Variants in APPBP2 observed in about 807,000 individuals in gnomAD.
APPBP2 encodes amyloid protein-binding protein 2.
A neutral mutation model predicts 76.0 loss-of-function variants in APPBP2; 15 were observed. That is an observed-to-expected ratio of 0.20 (90% CI 0.13 to 0.30). APPBP2 has a LOEUF of 0.30. Ranked by LOEUF, APPBP2 falls within the 10% of genes least tolerant of loss-of-function variation. The probability of loss-of-function intolerance (pLI) is 1.00; values close to 1 mark genes in which losing one functional copy is unlikely to be tolerated. For missense variants in APPBP2, 401 were observed against 687.2 expected, an observed-to-expected ratio of 0.58 and a Z score of 4.66; for synonymous variants, 222 against 242.2, an observed-to-expected ratio of 0.92 and a Z score of 0.77.
intron 3 of APPBP2, among the ~76,000 whole-genome samples, chr17:60,491,943 G>T (rs557238701): frequency 1.5e-4 from 23 of 152,030 alleles, no homozygotes; most frequent in Middle Eastern, 6.8e-3. Flanking sequence ...AGAACTTTGT[G>T]GCAGCCCCTC....
intron 6 of APPBP2, 61 bp from the exon 7 acceptor site, chr17:60,462,122 G>T: frequency 1.6e-6 from 2 of 1,274,210 alleles, no homozygotes; most frequent in Non-Finnish European, 2.3e-6. Context: ...TAAAATACGT[G>T]TAGTTTATAT....
At chr17:60,509,311 G>A (rs1408795460) in intron 1 of APPBP2, among the ~76,000 whole-genome samples, 3 of 152,052 alleles carry the variant, frequency 2.0e-5, no homozygotes, top group Non-Finnish European at 2.9e-5. Flanking sequence ...CCTGGGAGGC[G>A]GAGGTTGTAG....
intron 1 of APPBP2, among the ~76,000 whole-genome samples, chr17:60,525,219 C>CA (rs1252730892): frequency 5.3e-5 from 8 of 152,076 alleles, no homozygotes; most frequent in South Asian, 2.1e-4. Context: ...TCCTCTCCCA[C>CA]AAAAAAATCA....
At chr17:60,513,997 T>TAAAAA (rs35785295) in intron 1 of APPBP2, among the ~76,000 whole-genome samples, 5 of 108,546 alleles carry the variant, frequency 4.6e-5, no homozygotes, top group Non-Finnish European at 5.7e-5. Flanking sequence ...TTCCCCACAT[T>TAAAAA]AAAAAAAAAA....
chr17:60,491,169 AT>A (rs1425194536), intron 3 of APPBP2, among the ~76,000 whole-genome samples: 1 of 152,152 alleles, frequency 6.6e-6, no homozygotes, highest in African/African-American at 2.4e-5. Context: ...GCTGATAATG[AT>A]ATGGACAGTG....
At chr17:60,459,458 T>G (rs2090459020) in intron 9 of APPBP2, 1 of 151,528 alleles carries the variant, frequency 6.6e-6, no homozygotes, top group Non-Finnish European at 1.5e-5. Flanking sequence ...TAGATAGATG[T>G]CCACCTGTCC....
intron 1 of APPBP2, among the ~76,000 whole-genome samples, chr17:60,524,244 T>G (rs1162423927): frequency 6.6e-6 from 1 of 152,254 alleles, no homozygotes; most frequent in Non-Finnish European, 1.5e-5. Flanking sequence ...ACACTTGGAT[T>G]ACATTCCCAA....
intron 3 of APPBP2, among the ~76,000 whole-genome samples, chr17:60,486,683 G>C (rs998715510): frequency 3.9e-5 from 6 of 152,078 alleles, no homozygotes; most frequent in Non-Finnish European, 4.4e-5. Flanking sequence ...GGGGCATTTA[G>C]CCCATTTATA....
At position 60,474,166 on chromosome 17, in the gene APPBP2, A is replaced by AT. The variant is rs534845750; in HGVS notation, c.503+4981dup. ...AATAATTCTAAATCTGTTAAATTTCATTTTTTTTTTATTTTTTTTTTTTGA... is the reference window on the plus strand; with the variant it reads ...AATAATTCTAAATCTGTTAAATTTCATTTTTTTTTTTATTTTTTTTTTTTGA... On this transcript the variant is annotated intron_variant, in intron 4 of 12. Transcript: ENST00000083182. Among the ~76,000 whole-genome samples, 926 of 149,122 alleles carry AT rather than the reference A, an allele frequency of 6.2e-3. 4 individuals carry two copies. Among genetic ancestry groups the AT allele is most frequent in the Middle Eastern group, 0.017 (5 of 292 alleles).
intron 1 of APPBP2, among the ~76,000 whole-genome samples, chr17:60,520,742 T>A (rs1363607837): frequency 6.6e-6 from 1 of 152,064 alleles, no homozygotes; most frequent in Non-Finnish European, 1.5e-5. Flanking sequence ...TTCATTTTTT[T>A]AAAGAGATGG....
rs2090612952 is a variant in APPBP2 at position 60,479,290 on chromosome 17, C to T, written c.380-19G>A. 1 of 1,582,782 alleles carries T rather than the reference C, an allele frequency of 6.3e-7. No individual in the cohort carries two copies. On this transcript the variant is annotated intron_variant, in intron 3 of 12. Transcript: ENST00000083182. ...AAGCCACCTAAAAAAATAAGAAACA[C>T]CAATTTTAGAAAACTTGATAAATAG...
Position 60,525,986 on chromosome 17 carries a change from T to C in APPBP2, c.-55A>G. ...CCTCCTCCTCCCGAAGGCCCCCACC[T>C]CCCTCCGTAGCGAACCCCTCTGCGG... On this transcript the variant is annotated 5_prime_UTR_variant, in exon 1 of 13. Transcript: ENST00000083182. 1 of 1,507,386 alleles carries C rather than the reference T, an allele frequency of 6.6e-7. No individual in the cohort carries two copies. 93.4% of individuals were successfully genotyped at this position (1,507,386 alleles called of 1,614,324 possible). A position where few individuals can be genotyped will look rare whatever the true frequency, so the allele number is the denominator to read the frequency against.
intron 2 of APPBP2, among the ~76,000 whole-genome samples, chr17:60,495,432 TTTATTTA>T (rs542615596): frequency 0.024 from 3,153 of 128,924 alleles, 104 homozygotes; most frequent in African/African-American, 0.099. Flanking sequence ...AAATATTTTA[TTTATTTA>T]TTATTTATTT....
chr17:60,455,698 C>T (rs2090425987), intron 10 of APPBP2, among the ~76,000 whole-genome samples: 1 of 152,170 alleles, frequency 6.6e-6, no homozygotes, highest in African/African-American at 2.4e-5. Flanking sequence ...TTGTATTATG[C>T]TTCCATGCAA....
intron 3 of APPBP2, among the ~76,000 whole-genome samples, chr17:60,481,946 G>C (rs1018535509): frequency 2.0e-5 from 3 of 152,200 alleles, no homozygotes; most frequent in African/African-American, 7.2e-5. Flanking sequence ...GCAATAGCGT[G>C]ATCTCGGCTC....
intron 12 of APPBP2, among the ~76,000 whole-genome samples, chr17:60,449,862 T>C (rs1440852403): frequency 2.6e-5 from 4 of 152,080 alleles, no homozygotes; most frequent in African/African-American, 9.7e-5. Flanking sequence ...CACAGTGCAA[T>C]CTCGGCTCAC....
intron 9 of APPBP2, among the ~76,000 whole-genome samples, chr17:60,456,813 C>T (rs186134363): frequency 1.3e-5 from 2 of 152,160 alleles, no homozygotes; most frequent in East Asian, 3.9e-4. Context: ...CAGGTCTTTC[C>T]AGAACAGACC....
intron 4 of APPBP2, among the ~76,000 whole-genome samples, chr17:60,468,826 A>C (rs1453305310): frequency 6.6e-6 from 1 of 152,234 alleles, no homozygotes; most frequent in Non-Finnish European, 1.5e-5. Context: ...ATAACATAAA[A>C]TTATGTCTAC....
chr17:60,448,180 C>T (rs1019560651), intron 12 of APPBP2, among the ~76,000 whole-genome samples: 1 of 152,206 alleles, frequency 6.6e-6, no homozygotes, highest in Non-Finnish European at 1.5e-5. Context: ...TGGTGGCTCA[C>T]ACCTGTAATC....
Sources: gnomAD v4.1 joint callset for allele counts (sites outside exome capture counted in the v4.1 genomes callset) on GRCh38, gnomAD v4.1.1 for gene constraint, MANE v1.5 for transcripts, NCBI Gene and HGNC (gene_info 2026-07-23, HGNC 2026-07-21) for gene names.